Variants in PHIP observed in about 807,000 individuals in gnomAD.
PHIP encodes PHIP subunit of CUL4-Ring ligase complex.
A neutral mutation model predicts 236.8 loss-of-function variants in PHIP; 54 were observed. That is an observed-to-expected ratio of 0.23 (90% CI 0.18 to 0.29). The LOEUF is 0.29. Among genes scored for constraint, PHIP ranks in the 10% least tolerant of loss-of-function variants. The pLI, the probability that PHIP is intolerant of heterozygous loss-of-function variation, is 1.00. For synonymous variants in PHIP, 756 were observed against 718.9 expected (o/e 1.05, Z -0.83); for missense variants, 1,370 against 2,190.8 (o/e 0.63, Z 7.48).
rs1770030098 is a variant in PHIP at position 79,002,063 on chromosome 6, A to G, written c.1715T>C (p.Phe572Ser). Residue 572 changes from phenylalanine to serine, a missense_variant, in exon 17 of 40, where the codon TTT becomes TCT. Physicochemically the swap from Phe to Ser is radical, Grantham distance 155. Around this residue, in one of 14 missense-constraint regions of PHIP, gnomAD observed 133 missense variants for 245.2 expected, o/e 0.54. Transcript: ENST00000275034. ...YRPLIRDANN[F>S]VLDEQTQQAP... Reference sequence around the variant, plus strand: ...TTGCTGAGTCTGTTCATCTAATACAAAATTGTTGGCATCACGAATAAGTGG... The same window carrying G: ...TTGCTGAGTCTGTTCATCTAATACAGAATTGTTGGCATCACGAATAAGTGG... 1 of 1,613,330 alleles carries G rather than the reference A, an allele frequency of 6.2e-7. No individual in the cohort carries two copies. Among genetic ancestry groups the G allele is most frequent in the Non-Finnish European group, 8.5e-7 (1 of 1,179,442 alleles).
Position 78,985,347 on chromosome 6 carries a change from T to C in PHIP, c.2537+5A>G. On this transcript the variant is annotated splice_donor_5th_base_variant and intron_variant, in intron 22 of 39. Coordinates refer to ENST00000275034, the MANE Select transcript of PHIP (RefSeq NM_017934.7). ...CATTTGGAAAAATAAAAAGCATTCA[T>C]TTACCTAGAACTGCCATCACTGTGC... 1 of 1,510,234 alleles carries C rather than the reference T, an allele frequency of 6.6e-7. No homozygotes were observed. The highest frequency in any genetic ancestry group is 9.2e-7 in the Non-Finnish European group (1 of 1,088,900). 93.6% of individuals were successfully genotyped at this position (1,510,234 alleles called of 1,614,324 possible). A position where few individuals can be genotyped will look rare whatever the true frequency, so the allele number is the denominator to read the frequency against.
intron 4 of PHIP, 38 bp downstream of exon 4, chr6:79,077,410 G>A (rs1331493063): frequency 6.5e-7 from 1 of 1,543,008 alleles, no homozygotes; most frequent in African/African-American, 1.4e-5. Context: ...ATTCGACTCA[G>A]GGAAAAGTTT....
chr6:78,964,626 G>A (rs545416165), intron 29 of PHIP, among the ~76,000 whole-genome samples: 3 of 152,018 alleles, frequency 2.0e-5, no homozygotes, highest in Non-Finnish European at 4.4e-5. Context: ...CTGAGTAGCT[G>A]GGACTACAGG....
intron 22 of PHIP, 24 bp downstream of exon 22, chr6:78,985,328 G>GA: frequency 7.5e-7 from 1 of 1,328,990 alleles, no homozygotes; most frequent in Non-Finnish European, 1.1e-6. Context: ...ATAACATTTG[G>GA]AAAAATAAAA....
chr6:78,947,812 C>T (rs760830662), intron 35 of PHIP, 37 bp from the exon 36 acceptor site: 2 of 1,454,214 alleles, frequency 1.4e-6, no homozygotes, highest in Non-Finnish European at 9.6e-7. Flanking sequence ...ATGATTATTA[C>T]TACACAAAGC....
intron 4 of PHIP, among the ~76,000 whole-genome samples, chr6:79,073,940 C>T (rs1197848953): frequency 6.6e-6 from 1 of 152,096 alleles, no homozygotes; most frequent in Non-Finnish European, 1.5e-5. Context: ...TTCTTAAATA[C>T]AATGTACTGC....
rs898060180 is a variant in PHIP at position 78,939,469 on chromosome 6, T to C, written c.*1224A>G. On this transcript the variant is annotated 3_prime_UTR_variant, in exon 40 of 40. Coordinates refer to ENST00000275034, the MANE Select transcript of PHIP (RefSeq NM_017934.7). Reference sequence around the variant, plus strand: ...ACCTTTAATAATTGAAAATAACCAATTTCCCCCTTAAAATTAAACTATAAA... The same window carrying C: ...ACCTTTAATAATTGAAAATAACCAACTTCCCCCTTAAAATTAAACTATAAA... 1 of 151,806 alleles carries C rather than the reference T, an allele frequency of 6.6e-6. No individual in the cohort carries two copies. Among genetic ancestry groups the C allele is most frequent in the Non-Finnish European group, 1.5e-5 (1 of 67,748 alleles). The allele number at this position is 151,806 out of a possible 1,614,324, so 9.4% of individuals were successfully genotyped here. A position where few individuals can be genotyped will look rare whatever the true frequency, so the allele number is the denominator to read the frequency against.
At chr6:78,960,783 C>T (rs1040148631) in intron 31 of PHIP, among the ~76,000 whole-genome samples, 16 of 152,062 alleles carry the variant, frequency 1.1e-4, no homozygotes, top group Admixed American at 7.2e-4. Context: ...GGTACAGGCA[C>T]AGGATAGCCC....
chr6:79,051,556 TC>T (rs1222058130), intron 6 of PHIP, among the ~76,000 whole-genome samples: 10 of 152,146 alleles, frequency 6.6e-5, no homozygotes, highest in Non-Finnish European at 1.3e-4. Flanking sequence ...TAGTTGCACC[TC>T]CTGTTTGAAA....
chr6:79,028,994 G>T (rs1771530699), intron 7 of PHIP, among the ~76,000 whole-genome samples: 1 of 152,178 alleles, frequency 6.6e-6, no homozygotes, highest in Non-Finnish European at 1.5e-5. Context: ...GTAACAGGAA[G>T]TCCTACTATA....
At chr6:79,048,682 T>C (rs1772627804) in intron 6 of PHIP, among the ~76,000 whole-genome samples, 3 of 152,238 alleles carry the variant, frequency 2.0e-5, no homozygotes, top group Admixed American at 6.5e-5. Context: ...TTTGTTATTA[T>C]TGTTTTCTAA....
At chr6:78,986,163 A>G (rs1768856749) in intron 21 of PHIP, among the ~76,000 whole-genome samples, 1 of 152,206 alleles carries the variant, frequency 6.6e-6, no homozygotes, top group Admixed American at 6.5e-5. Flanking sequence ...TTACTTATTA[A>G]AACAGCTGTC....
At chr6:78,979,226 A>T (rs185011879) in intron 23 of PHIP, among the ~76,000 whole-genome samples, 1 of 152,212 alleles carries the variant, frequency 6.6e-6, no homozygotes, top group Admixed American at 6.5e-5. Flanking sequence ...CAGTGGCAAC[A>T]GAGTTATTCA....
At chr6:78,959,721 T>G (rs568202654) in intron 31 of PHIP, among the ~76,000 whole-genome samples, 2 of 152,228 alleles carry the variant, frequency 1.3e-5, no homozygotes, top group East Asian at 3.9e-4. Context: ...CTTTCAAATG[T>G]TTTTTTCCTA....
At position 78,960,455 on chromosome 6, in the gene PHIP, T is replaced by C. The variant is rs371773363; in HGVS notation, c.3656+1235A>G. ...AGGAATATAGTTAGGAATTCCTTTT[T>C]TTTTTTTTTTTCTCTTAAACTTCCA... On this transcript the variant is annotated intron_variant, in intron 31 of 39. Transcript: ENST00000275034. Among the ~76,000 whole-genome samples, 69 of 152,042 alleles carry C rather than the reference T, an allele frequency of 4.5e-4. No homozygotes were observed. In the East Asian group the frequency reaches 9.8e-3, roughly 22 times the overall value.
intron 15 of PHIP, among the ~76,000 whole-genome samples, chr6:79,011,639 T>C (rs1770582226): frequency 6.6e-6 from 1 of 151,738 alleles, no homozygotes; most frequent in African/African-American, 2.4e-5. Flanking sequence ...GCTTTTATCA[T>C]TGAGATCCTC....
intron 15 of PHIP, among the ~76,000 whole-genome samples, chr6:79,012,866 A>G (rs1770660252): frequency 6.6e-6 from 1 of 151,782 alleles, no homozygotes; most frequent in Admixed American, 6.6e-5. Flanking sequence ...ATAACTCATA[A>G]AAGACAGACA....
chr6:79,015,517 C>A, intron 14 of PHIP, 113 bp downstream of exon 14: 1 of 797,134 alleles, frequency 1.3e-6, no homozygotes, highest in Non-Finnish European at 2.0e-6. Flanking sequence ...AAAGCCGTTA[C>A]CCCAGCAAGC....
At chr6:78,976,093 C>A (rs921264612) in intron 24 of PHIP, among the ~76,000 whole-genome samples, 1 of 151,082 alleles carries the variant, frequency 6.6e-6, no homozygotes, top group Non-Finnish European at 1.5e-5. Flanking sequence ...AAGAACAAAG[C>A]TGGAGGCATC....
Sources: allele counts gnomAD v4.1 joint callset (sites outside exome capture counted in the v4.1 genomes callset), GRCh38; gene constraint gnomAD v4.1.1; regional missense constraint gnomAD v4.1.1; transcripts MANE v1.5; gene names NCBI Gene and HGNC (gene_info 2026-07-23, HGNC 2026-07-21).